Variants in PCDHGA11 observed in about 807,000 individuals in gnomAD.
The protein encoded by PCDHGA11 is protocadherin gamma-A11.
PCDHGA11 carries 39 observed loss-of-function variants against 60.4 expected under a neutral mutation model. The observed-to-expected ratio is 0.65, with a 90% CI of 0.50 to 0.84. PCDHGA11 has a LOEUF of 0.84. Among genes scored for constraint, PCDHGA11 ranks in the 40% least tolerant of loss-of-function variants. The pLI, the probability that PCDHGA11 is intolerant of heterozygous loss-of-function variation, is 0.00. For synonymous variants in PCDHGA11, 533 were observed against 510.3 expected (o/e 1.04, Z -0.60); for missense variants, 1,165 against 1,197.7 (o/e 0.97, Z 0.40).
rs758515649 is a variant in PCDHGA11 at position 141,432,368 on chromosome 5, A to G, written c.2433+8708A>G. On this transcript the variant is annotated intron_variant, in intron 1 of 3. Coordinates refer to ENST00000398587, the MANE Select transcript of PCDHGA11 (RefSeq NM_018914.3). This position sits in a 1 kb window ranked among gnomAD's most constrained non-coding sequence, Gnocchi z 6.0. ...GCAAGTGAAAGTGATGGCGCGGGAC[A>G]ACGGGCACCCGCCCCTCAGCAGCAA... 1.2e-6 allele frequency: 2 copies of G among 1,614,110 alleles called. No homozygotes were observed. Among genetic ancestry groups the G allele is most frequent in the Non-Finnish European group, 1.7e-6 (2 of 1,180,054 alleles).
At chr5:141,462,651 CA>C (rs60282352) in intron 1 of PCDHGA11, among the ~76,000 whole-genome samples, 42,411 of 152,004 alleles carry the variant, frequency 0.28, 6,634 homozygotes, top group African/African-American at 0.43. Flanking sequence ...TTTCCATCCT[CA>C]ATTATCTTCA....
chr5:141,471,065 T>C (rs1355886133), intron 1 of PCDHGA11, among the ~76,000 whole-genome samples: 3 of 148,628 alleles, frequency 2.0e-5, no homozygotes, highest in Non-Finnish European at 3.0e-5. Context: ...TTTTTTTTTT[T>C]TGAGACAGGG....
At chr5:141,435,884 C>G (rs1020738994) in intron 1 of PCDHGA11, among the ~76,000 whole-genome samples, 9 of 152,070 alleles carry the variant, frequency 5.9e-5, no homozygotes, top group African/African-American at 1.9e-4. Flanking sequence ...ATTGGAAACC[C>G]CTTAGAGAAT....
At chr5:141,433,096 C>A in intron 1 of PCDHGA11, 3 of 1,614,118 alleles carry the variant, frequency 1.9e-6, no homozygotes, top group Non-Finnish European at 2.5e-6. Context: ...CAGACATGCT[C>A]GTCAGCCAGG....
intron 1 of PCDHGA11, among the ~76,000 whole-genome samples, chr5:141,451,329 A>G (rs991467686): frequency 2.6e-5 from 4 of 152,196 alleles, no homozygotes; most frequent in African/African-American, 9.6e-5. Context: ...ACCTAAGGCT[A>G]TTGTCTTATC....
rs1379095967 is a variant in PCDHGA11 at position 141,422,752 on chromosome 5, A to C, written c.1525A>C (p.Asn509His). The C allele has an allele frequency of 6.2e-7, 1 of 1,612,064 alleles. No homozygotes were observed. The highest frequency in any genetic ancestry group is 1.3e-5 in the African/African-American group (1 of 74,892). The change falls in exon 1 of 4, where the codon AAC becomes CAC. Residue 509 changes from asparagine (N) to histidine (H), a missense_variant. Transcript: ENST00000398587. Reference protein sequence around the residue: ...GVPLSSYVSINSNTGVLYALQ... With the variant: ...GVPLSSYVSIHSNTGVLYALQ... The stretch of plus-strand genomic sequence containing the variant: ...GCCTCTGTCCTCCTATGTCTCTATT[A>C]ACTCCAACACTGGTGTTCTCTATGC...
intron 1 of PCDHGA11, among the ~76,000 whole-genome samples, chr5:141,483,160 T>C (rs1199191595): frequency 6.6e-6 from 1 of 152,176 alleles, no homozygotes; most frequent in Non-Finnish European, 1.5e-5. Flanking sequence ...AGTTAGATCC[T>C]GAGTTACCTT....
Position 141,487,613 on chromosome 5 carries a change from G to C in PCDHGA11, c.2434-7194G>C, listed in dbSNP as rs1460090760. 1 of 1,614,218 alleles carries C rather than the reference G, an allele frequency of 6.2e-7. No homozygotes were observed. ...ACCCTCTGATCTTCTCTATGGGCTA[G>C]AGGTGAGACCTTTGCAGGCTCAACA... On this transcript the variant is annotated intron_variant, in intron 1 of 3. Coordinates refer to ENST00000398587, the MANE Select transcript of PCDHGA11 (RefSeq NM_018914.3). The surrounding 1 kb of genome is among the most constrained non-coding windows in gnomAD (Gnocchi z 5.0).
In PCDHGA11 at chr5:141,422,897, A is replaced by AT. The variant is rs778069795; in HGVS notation, c.1670_1671insT (p.Asp558ArgfsTer54). 4 of 1,614,212 alleles carry AT rather than the reference A, an allele frequency of 2.5e-6. No individual in the cohort carries two copies. Among genetic ancestry groups the AT allele is most frequent in the Non-Finnish European group, 3.4e-6 (4 of 1,180,038 alleles). On this transcript the variant is annotated frameshift_variant, in exon 1 of 4. Coordinates refer to ENST00000398587, the MANE Select transcript of PCDHGA11 (RefSeq NM_018914.3). LOFTEE classifies it high-confidence loss of function. ...CTGAGCCTGTTCGTGCTGGACCAGA[A>AT]CGACAATGCGCCCGAGATCCTGTAC...
At chr5:141,430,084 A>G (rs538721051) in intron 1 of PCDHGA11, among the ~76,000 whole-genome samples, 2 of 152,292 alleles carry the variant, frequency 1.3e-5, no homozygotes, top group Admixed American at 1.3e-4. Context: ...AATATCATGA[A>G]AATTTGATTT....
chr5:141,503,763 T>C (rs1014883264), intron 2 of PCDHGA11, among the ~76,000 whole-genome samples: 1 of 152,174 alleles, frequency 6.6e-6, no homozygotes, highest in Non-Finnish European at 1.5e-5. Context: ...ATGGCAGCCT[T>C]GTGTCTGTTC....
chr5:141,490,128 C>T lies in PCDHGA11; in HGVS notation c.2434-4679C>T, dbSNP rs970815408. 1.2e-6 allele frequency: 2 copies of T among 1,614,254 alleles called. No homozygotes were observed. Among genetic ancestry groups the T allele is most frequent in the Non-Finnish European group, 8.5e-7 (1 of 1,180,042 alleles). ...CAGTGCGGAACCTCTTTGGCCTAGA[C>T]CCTAGCAGTGGGGCAATCCATGTGT... On this transcript the variant is annotated intron_variant, in intron 1 of 3. Transcript: ENST00000398587. The surrounding 1 kb of genome is among the most constrained non-coding windows in gnomAD (Gnocchi z 5.4).
intron 1 of PCDHGA11, among the ~76,000 whole-genome samples, chr5:141,438,587 CAT>C (rs1372372472): frequency 3.8e-4 from 28 of 73,432 alleles, no homozygotes; most frequent in African/African-American, 1.4e-3. Flanking sequence ...TACATACATA[CAT>C]ACATATATAT....
chr5:141,423,008 C>A lies in PCDHGA11; in HGVS notation c.1781C>A (p.Ala594Glu). Reference sequence around the variant, plus strand: ...GGCTACCTGGTGACCAAGGTGGTTGCGGTGGACAAAGATTCAGGCCAGAAC... The same window carrying A: ...GGCTACCTGGTGACCAAGGTGGTTGAGGTGGACAAAGATTCAGGCCAGAAC... ...EPGYLVTKVV[A>E]VDKDSGQNAW... The change falls in exon 1 of 4, where the codon GCG becomes GAG. Residue 594 changes from alanine (A) to glutamate (E), a missense_variant. Physicochemically the swap from Ala to Glu is moderately radical, Grantham distance 107 (BLOSUM62 -1). Transcript: ENST00000398587. The A allele has an allele frequency of 8.1e-6, 13 of 1,614,214 alleles. No individual in the cohort carries two copies. The highest frequency in any genetic ancestry group is 1.1e-5 in the Non-Finnish European group (13 of 1,180,034).
intron 1 of PCDHGA11, among the ~76,000 whole-genome samples, chr5:141,457,694 C>G (rs891323419): frequency 6.6e-6 from 1 of 152,214 alleles, no homozygotes; most frequent in Non-Finnish European, 1.5e-5. Flanking sequence ...TTTGGATTGG[C>G]TTTGATGAAA....
intron 1 of PCDHGA11, among the ~76,000 whole-genome samples, chr5:141,434,819 A>G (rs2097719619): frequency 6.6e-6 from 1 of 151,946 alleles, no homozygotes; most frequent in Admixed American, 6.6e-5. Flanking sequence ...TATATCCCTT[A>G]GTACACTTGG....
intron 1 of PCDHGA11, among the ~76,000 whole-genome samples, chr5:141,483,725 C>T (rs903001715): frequency 1.3e-5 from 2 of 152,008 alleles, no homozygotes; most frequent in Non-Finnish European, 1.5e-5. Context: ...TGGTTCCCAC[C>T]ATAGTCAAAA....
chr5:141,509,811 C>T (rs1321920000), intron 3 of PCDHGA11, among the ~76,000 whole-genome samples: 1 of 152,168 alleles, frequency 6.6e-6, no homozygotes, highest in African/African-American at 2.4e-5. Flanking sequence ...TAGAGCCGAG[C>T]TCTTCTCCAT....
chr5:141,490,061 A>G lies in PCDHGA11; in HGVS notation c.2434-4746A>G, dbSNP rs1562135413. On this transcript the variant is annotated intron_variant, in intron 1 of 3. Transcript: ENST00000398587. This position sits in a 1 kb window ranked among gnomAD's most constrained non-coding sequence, Gnocchi z 5.4. Reference sequence around the variant, plus strand: ...GCCACTGATCCAGACGAGGGCACCAACGGCCAACTAGACTATTCTTTTGGA... The same window carrying G: ...GCCACTGATCCAGACGAGGGCACCAGCGGCCAACTAGACTATTCTTTTGGA... 1.2e-6 allele frequency: 2 copies of G among 1,614,214 alleles called. No individual in the cohort carries two copies. Among genetic ancestry groups the G allele is most frequent in the East Asian group, 2.2e-5 (1 of 44,884 alleles).
Sources: allele counts gnomAD v4.1 joint callset (sites outside exome capture counted in the v4.1 genomes callset), GRCh38; gene constraint gnomAD v4.1.1; non-coding constraint Gnocchi (gnomAD v3.1); transcripts MANE v1.5; gene names NCBI Gene and HGNC (gene_info 2026-07-23, HGNC 2026-07-21).